UBE3D: variants seen among roughly 807,000 people sequenced by gnomAD.
The protein encoded by UBE3D is ubiquitin protein ligase E3D, also known as E3 ubiquitin-protein ligase E3D.
Under a neutral mutation model 49.6 loss-of-function variants are expected in UBE3D, and 48 were observed. The observed-to-expected ratio is 0.97, with a 90% CI of 0.77 to 1.23. The LOEUF is 1.23. Ranked by LOEUF, UBE3D falls within the 50% of genes most tolerant of loss-of-function variation. The probability of loss-of-function intolerance (pLI) is 0.00; values close to 1 mark genes in which losing one functional copy is unlikely to be tolerated. For missense variants in UBE3D, 452 were observed against 468.4 expected, an observed-to-expected ratio of 0.96 and a Z score of 0.32; for synonymous variants, 189 against 174.2, an observed-to-expected ratio of 1.08 and a Z score of -0.67.
intron 8 of UBE3D, among the ~76,000 whole-genome samples, chr6:82,994,180 T>A (rs571743534): frequency 6.6e-6 from 1 of 152,166 alleles, no homozygotes; most frequent in South Asian, 2.1e-4. Flanking sequence ...GAAGAAAAAA[T>A]TTTAATACAT....
intron 8 of UBE3D, among the ~76,000 whole-genome samples, chr6:82,979,825 G>T (rs1239087904): frequency 6.6e-6 from 1 of 151,952 alleles, no homozygotes; most frequent in Non-Finnish European, 1.5e-5. Flanking sequence ...GCTCCCACTT[G>T]TAAGTAAGAA....
At chr6:83,016,390 C>T (rs1038209761) in intron 8 of UBE3D, among the ~76,000 whole-genome samples, 1 of 152,136 alleles carries the variant, frequency 6.6e-6, no homozygotes, top group African/African-American at 2.4e-5. Context: ...ACTCTCTATA[C>T]AGTTCATGCC....
rs776525154 is a variant in UBE3D, at chr6:82,920,602, ACT to A, written c.1150-27562_1150-27561del. Among the ~76,000 whole-genome samples the A allele has an allele frequency of 2.0e-5, 3 of 152,316 alleles. No individual in the cohort carries two copies. The South Asian group carries it at 6.2e-4, about 32-fold the overall frequency. ...CCAAAGTTTCGGTGTCCTCCTCTTTACTATGGGAATGGTAGAATTGTGATGGT... is the reference window on the plus strand; with the variant it reads ...CCAAAGTTTCGGTGTCCTCCTCTTTAATGGGAATGGTAGAATTGTGATGGT... On this transcript the variant is annotated intron_variant, in intron 9 of 9. Transcript: ENST00000369747.
At chr6:82,959,267 T>C (rs1477968611) in intron 8 of UBE3D, among the ~76,000 whole-genome samples, 7 of 150,622 alleles carry the variant, frequency 4.6e-5, no homozygotes, top group Non-Finnish European at 8.8e-5. Context: ...AGAGCATAAG[T>C]CTTGGCCTAA....
At chr6:82,939,867 T>C (rs1487755973) in intron 9 of UBE3D, among the ~76,000 whole-genome samples, 1 of 152,198 alleles carries the variant, frequency 6.6e-6, no homozygotes, top group African/African-American at 2.4e-5. Flanking sequence ...AGAAACATAA[T>C]TATAGACTTA....
chr6:82,898,388 T>C (rs1302884326), intron 9 of UBE3D, among the ~76,000 whole-genome samples: 2 of 152,220 alleles, frequency 1.3e-5, no homozygotes, highest in African/African-American at 2.4e-5. Flanking sequence ...CGTATGTTTA[T>C]TGTAGCACTG....
chr6:82,902,475 G>C (rs159057), intron 9 of UBE3D, among the ~76,000 whole-genome samples: 1 of 151,974 alleles, frequency 6.6e-6, no homozygotes, highest in Non-Finnish European at 1.5e-5. Context: ...CACATGACTC[G>C]GAAGAATCTC....
chr6:82,929,333 ATTGTG>A, intron 9 of UBE3D, among the ~76,000 whole-genome samples: 1 of 152,222 alleles, frequency 6.6e-6, no homozygotes, highest in South Asian at 2.1e-4. Context: ...GGGTCACTTA[ATTGTG>A]TTTTGAAAAA....
intron 4 of UBE3D, 84 bp downstream of exon 4, chr6:83,044,344 C>T (rs1355235170): frequency 2.2e-6 from 3 of 1,337,564 alleles, no homozygotes; most frequent in East Asian, 2.3e-5. Context: ...GTCTATGTAA[C>T]AAGCCCTTAA....
chr6:83,005,020 CAA>C (rs1779875736), intron 8 of UBE3D, among the ~76,000 whole-genome samples: 1 of 152,122 alleles, frequency 6.6e-6, no homozygotes, highest in African/African-American at 2.4e-5. Context: ...CTTTGTGCAT[CAA>C]AAGACACAAT....
chr6:82,959,529 A>G (rs1335887536), intron 8 of UBE3D, among the ~76,000 whole-genome samples: 1 of 151,724 alleles, frequency 6.6e-6, no homozygotes, highest in Non-Finnish European at 1.5e-5. Context: ...TGCTAAGGAG[A>G]CTATTTGCAG....
chr6:83,015,358 G>A (rs1780626142), intron 8 of UBE3D, among the ~76,000 whole-genome samples: 1 of 152,056 alleles, frequency 6.6e-6, no homozygotes, highest in South Asian at 2.1e-4. Context: ...AGAGAGATCA[G>A]GTATTTCCAG....
intron 6 of UBE3D, among the ~76,000 whole-genome samples, 158 bp from the exon 7 acceptor site, chr6:83,022,719 G>T (rs1781193277): frequency 6.6e-6 from 1 of 152,040 alleles, no homozygotes; most frequent in African/African-American, 2.4e-5. Context: ...GCACTGATGT[G>T]GATTTTAATA....
downstream of UBE3D, among the ~76,000 whole-genome samples, chr6:82,887,590 T>C (rs902266018): frequency 5.3e-5 from 8 of 150,630 alleles, no homozygotes; most frequent in Admixed American, 2.0e-4. Context: ...ACGCCTACAA[T>C]CCCAGCTACT....
At chr6:82,958,556 A>G (rs1776329165) in intron 8 of UBE3D, among the ~76,000 whole-genome samples, 1 of 152,292 alleles carries the variant, frequency 6.6e-6, no homozygotes, top group East Asian at 1.9e-4. Flanking sequence ...AATGGTTTAG[A>G]TGTTTTATCA....
chr6:83,036,519 A>C (rs1782269054), intron 5 of UBE3D: 1 of 151,748 alleles, frequency 6.6e-6, no homozygotes, highest in African/African-American at 2.4e-5. Flanking sequence ...TGCTGTATAC[A>C]TAATGTGTTT....
At chr6:82,931,350 G>A (rs1161709439) in intron 9 of UBE3D, among the ~76,000 whole-genome samples, 1 of 152,222 alleles carries the variant, frequency 6.6e-6, no homozygotes, top group African/African-American at 2.4e-5. Flanking sequence ...CCCCACTGGT[G>A]CACCACCTGG....
chr6:83,040,152 A>G (rs1782558138), intron 4 of UBE3D, among the ~76,000 whole-genome samples: 1 of 152,070 alleles, frequency 6.6e-6, no homozygotes, highest in African/African-American at 2.4e-5. Context: ...TTGGAGGCCA[A>G]GGCAGCCGGA....
chr6:82,887,591 C>A (rs532645471), downstream of UBE3D, among the ~76,000 whole-genome samples: 1 of 150,100 alleles, frequency 6.7e-6, no homozygotes, highest in Non-Finnish European at 1.5e-5. Flanking sequence ...CGCCTACAAT[C>A]CCAGCTACTC....
Sources: allele counts gnomAD v4.1 joint callset (sites outside exome capture counted in the v4.1 genomes callset), GRCh38; gene constraint gnomAD v4.1.1; transcripts MANE v1.5; gene names NCBI Gene and HGNC (gene_info 2026-07-23, HGNC 2026-07-21).